Variants in LEMD1 observed in about 807,000 individuals in gnomAD.
LEMD1 encodes LEM domain containing 1.
A neutral mutation model predicts 17.4 loss-of-function variants in LEMD1; 18 were observed. That is an observed-to-expected ratio of 1.04 (90% CI 0.72 to 1.54). The LOEUF is 1.54. Among genes scored for constraint, LEMD1 ranks in the 40% most tolerant of loss-of-function variants. LEMD1 has a pLI of 0.00. For synonymous variants in LEMD1, 88 were observed against 77.8 expected (o/e 1.13, Z -0.69); for missense variants, 195 against 210.4 (o/e 0.93, Z 0.45).
At chr1:205,387,941 T>G (rs901474427) in intron 4 of LEMD1, among the ~76,000 whole-genome samples, 1 of 152,230 alleles carries the variant, frequency 6.6e-6, no homozygotes, top group Non-Finnish European at 1.5e-5. Flanking sequence ...AGTAAACTAA[T>G]TTCATTCTCA....
At chr1:205,405,365 C>T (rs952567205) in intron 4 of LEMD1, among the ~76,000 whole-genome samples, 2 of 150,332 alleles carry the variant, frequency 1.3e-5, no homozygotes, top group Admixed American at 6.6e-5. Context: ...TTGGTCTTTT[C>T]ACATAGTCCC....
chr1:205,447,682 G>C (rs1044488389), intron 1 of LEMD1, among the ~76,000 whole-genome samples: 1 of 151,972 alleles, frequency 6.6e-6, no homozygotes, highest in Non-Finnish European at 1.5e-5. Flanking sequence ...TTCACACACC[G>C]CAGGAGGGGG....
intron 1 of LEMD1, among the ~76,000 whole-genome samples, chr1:205,443,445 A>T (rs1329509590): frequency 1.3e-5 from 2 of 152,086 alleles, no homozygotes; most frequent in Non-Finnish European, 2.9e-5. Context: ...TTGTCACTGT[A>T]GGGAAGGATG....
chr1:205,384,345 G>GTGGTGGAGGCC lies in LEMD1; in HGVS notation c.289_290insGGCCTCCACCA (p.Thr97ArgfsTer10). On this transcript the variant is annotated frameshift_variant, in exon 5 of 6. Transcript: ENST00000367153. LOFTEE classifies it high-confidence loss of function. ...ATAGGTATCTACAGCTTTGCGTTTA[G>GTGGTGGAGGCC]TGGTGGAAGCCTCAGGCCACTGATA... is the stretch of plus-strand genomic sequence containing the variant. 1 of 1,522,136 alleles carries GTGGTGGAGGCC rather than the reference G, an allele frequency of 6.6e-7. No individual in the cohort carries two copies. The highest frequency in any genetic ancestry group is 8.8e-7 in the Non-Finnish European group (1 of 1,135,100). 94.3% of individuals were successfully genotyped at this position (1,522,136 alleles called of 1,614,324 possible).
At position 205,416,279 on chromosome 1, in the gene LEMD1, G is replaced by A; in HGVS notation, c.223C>T (p.Gln75Ter). 1 of 1,548,052 alleles carries A rather than the reference G, an allele frequency of 6.5e-7. No individual in the cohort carries two copies. Among genetic ancestry groups the A allele is most frequent in the Non-Finnish European group, 8.7e-7 (1 of 1,145,254 alleles). ...TCTGTTGAGAGTATGATATTTCCTT[G>A]CAAAATGATATTAAGCTCTGGATCA... The part of the protein sequence containing the change: ...DDSEELNIIL[Q>*]GNIILSTEKS... The change falls in exon 4 of 6, where the codon CAA becomes TAA. Residue 75 changes from glutamine to a stop codon, truncating the protein, a stop_gained. Transcript: ENST00000367153. LOFTEE classifies it high-confidence loss of function.
intron 1 of LEMD1, 150 bp downstream of exon 1, chr1:205,421,840 C>T (rs944916606): frequency 3.3e-5 from 5 of 152,174 alleles, no homozygotes; most frequent in East Asian, 1.9e-4. Context: ...TTCCTGAGAA[C>T]AGCTGTCTGT....
At chr1:205,423,973 A>G (rs1035392152), upstream of LEMD1, among the ~76,000 whole-genome samples, 2 of 152,076 alleles carry the variant, frequency 1.3e-5, no homozygotes, top group African/African-American at 2.4e-5. Flanking sequence ...GAAATAACGG[A>G]AATAGTAAAA....
intron 4 of LEMD1, among the ~76,000 whole-genome samples, chr1:205,408,668 T>C (rs537075888): frequency 1.3e-5 from 2 of 152,040 alleles, no homozygotes; most frequent in South Asian, 4.2e-4. Flanking sequence ...CAGCTAATTT[T>C]TTTGCAATTA....
chr1:205,422,446 A>G (rs966915145), upstream of LEMD1, among the ~76,000 whole-genome samples: 1 of 152,194 alleles, frequency 6.6e-6, no homozygotes, highest in Non-Finnish European at 1.5e-5. Context: ...ACCTGTATTA[A>G]TTTGTTAAGG....
chr1:205,395,223 C>T (rs1166420802), intron 4 of LEMD1, among the ~76,000 whole-genome samples: 1 of 152,060 alleles, frequency 6.6e-6, no homozygotes, highest in Non-Finnish European at 1.5e-5. Context: ...ATCTTAACCA[C>T]CTGTAAATTT....
At chr1:205,424,741 A>G (rs1666033378), upstream of LEMD1, among the ~76,000 whole-genome samples, 1 of 152,176 alleles carries the variant, frequency 6.6e-6, no homozygotes, top group Non-Finnish European at 1.5e-5. Flanking sequence ...ACAAGAAGTA[A>G]GTCGGGTTGA....
intron 1 of LEMD1, among the ~76,000 whole-genome samples, chr1:205,432,559 G>C (rs1396971298): frequency 6.6e-6 from 1 of 152,260 alleles, no homozygotes; most frequent in Non-Finnish European, 1.5e-5. Context: ...AGACTTTGGA[G>C]AGGAGAGGAA....
chr1:205,389,799 A>C (rs1380952263), intron 4 of LEMD1, among the ~76,000 whole-genome samples: 1 of 152,236 alleles, frequency 6.6e-6, no homozygotes, highest in Admixed American at 6.5e-5. Flanking sequence ...TTTGATTTAC[A>C]GACCTTTAAA....
chr1:205,449,221 G>A (rs1479443085), intron 1 of LEMD1, among the ~76,000 whole-genome samples: 1 of 152,136 alleles, frequency 6.6e-6, no homozygotes, highest in South Asian at 2.1e-4. Flanking sequence ...GAGTTAAGGC[G>A]AACCAAGGTC....
At chr1:205,393,096 C>T (rs1664415382) in intron 4 of LEMD1, among the ~76,000 whole-genome samples, 1 of 152,028 alleles carries the variant, frequency 6.6e-6, no homozygotes, top group South Asian at 2.1e-4. Flanking sequence ...GGAAAAAAAA[C>T]TTGCACATCA....
intron 1 of LEMD1, chr1:205,436,875 C>T (rs1218587253): frequency 6.6e-6 from 1 of 152,278 alleles, no homozygotes; most frequent in Non-Finnish European, 1.5e-5. Flanking sequence ...GTTCCAGCCA[C>T]ATCTGGGCAC....
Position 205,448,431 on chromosome 1 carries a change from G to T in LEMD1, c.-39+1437C>A, listed in dbSNP as rs1206066894. 7.5e-6 allele frequency: 4 copies of T among 532,452 alleles called. No homozygotes were observed. Among genetic ancestry groups the T allele is most frequent in the Non-Finnish European group, 1.2e-5 (3 of 259,684 alleles). The allele number at this position is 532,452 out of a possible 1,614,324, so 33.0% of individuals were successfully genotyped here. On this transcript the variant is annotated intron_variant, in intron 1 of 3. Transcript: ENST00000367154. This position sits in a 1 kb window ranked among gnomAD's most constrained non-coding sequence, Gnocchi z 4.7. Reference sequence around the variant, plus strand: ...CCAGCGGCAGGAATCTCATAGGGAAGCGAGAAGCTGGGGCACCCGAGAAGC... The same window carrying T: ...CCAGCGGCAGGAATCTCATAGGGAATCGAGAAGCTGGGGCACCCGAGAAGC...
chr1:205,408,256 C>T (rs964348754), intron 4 of LEMD1, among the ~76,000 whole-genome samples: 3 of 151,976 alleles, frequency 2.0e-5, no homozygotes, highest in Non-Finnish European at 4.4e-5. Context: ...AGGCAGAATA[C>T]TTACTGGGGA....
rs1663711118 is a variant in LEMD1, at chr1:205,381,799, T to C, written c.405A>G (p.Arg135=). The C allele has an allele frequency of 6.2e-7, 1 of 1,614,170 alleles. No homozygotes were observed. The highest frequency in any genetic ancestry group is 1.1e-5 in the South Asian group (1 of 91,084). Residue 135 remains arginine, a synonymous_variant, in exon 6 of 6, where the codon AGA becomes AGG. Transcript: ENST00000367153. ...TAGTCTGGTCTTCCGCGCAGTAGTC[T>C]CTCTCTTTGGTGATAGTCCCATATG... ...RITYGTITKE[R]DYCAEDQTIE... is the part of the protein sequence containing the mutation.
Sources: gnomAD v4.1 joint callset for allele counts (sites outside exome capture counted in the v4.1 genomes callset) on GRCh38, gnomAD v4.1.1 for gene constraint, Gnocchi (gnomAD v3.1) non-coding constraint, MANE v1.5 for transcripts, NCBI Gene and HGNC (gene_info 2026-07-23, HGNC 2026-07-21) for gene names.